GUCY1A2: variants seen among roughly 807,000 people sequenced by gnomAD.
The protein encoded by GUCY1A2 is guanylate cyclase 1 soluble subunit alpha 2, also known as guanylate cyclase soluble subunit alpha-2.
A neutral mutation model predicts 63.5 loss-of-function variants in GUCY1A2; 27 were observed. The observed-to-expected ratio is 0.43, with a 90% CI of 0.31 to 0.59. The LOEUF (loss-of-function observed/expected upper bound fraction) is 0.59, where lower values mean the gene tolerates loss of function less well. GUCY1A2 is among the 20% of genes least tolerant of loss of function. The pLI, the probability that GUCY1A2 is intolerant of heterozygous loss-of-function variation, is 0.11. For missense variants in GUCY1A2, 768 were observed against 913.3 expected (o/e 0.84, Z 2.05); for synonymous variants, 364 against 343.5 (o/e 1.06, Z -0.66).
rs945887255 is a variant in GUCY1A2 at position 106,714,193 on chromosome 11, AG to A, written c.1837-5528del. Among the ~76,000 whole-genome samples, 40 of 152,120 alleles carry A rather than the reference AG, an allele frequency of 2.6e-4. 1 individual carries two copies. Among genetic ancestry groups the A allele is most frequent in the African/African-American group, 9.2e-4 (38 of 41,512 alleles). ...GAAGACAAAAACTCTGATATCCTTGAGGGGGCAGAGGGTCATAGAGAGGAAC... is the reference window on the plus strand; with the variant it reads ...GAAGACAAAAACTCTGATATCCTTGAGGGGCAGAGGGTCATAGAGAGGAAC... On this transcript the variant is annotated intron_variant, in intron 6 of 7. Transcript: ENST00000526355.
chr11:106,741,613 A>G (rs1283477080), intron 6 of GUCY1A2, among the ~76,000 whole-genome samples: 1 of 152,226 alleles, frequency 6.6e-6, no homozygotes, highest in East Asian at 1.9e-4. Context: ...ATAAAAGATG[A>G]TAAGTTTTGT....
chr11:106,970,084 A>G, intron 3 of GUCY1A2, among the ~76,000 whole-genome samples: 1 of 152,170 alleles, frequency 6.6e-6, no homozygotes, highest in African/African-American at 2.4e-5. Flanking sequence ...TAGTTAAGTG[A>G]GTTTGACTCA....
intron 4 of GUCY1A2, among the ~76,000 whole-genome samples, chr11:106,843,984 A>G (rs1466444966): frequency 1.3e-5 from 2 of 151,864 alleles, no homozygotes; most frequent in Non-Finnish European, 2.9e-5. Flanking sequence ...TTGTCATATC[A>G]TTGGAGGGCA....
At position 106,722,678 on chromosome 11, in the gene GUCY1A2, G is replaced by A. The variant is rs574138339; in HGVS notation, c.1837-14012C>T. ...ATTTATTTACGATTAGCCAGTCATC[G>A]ATCCCATTCAAGCAAACAAAAGAAA... On this transcript the variant is annotated intron_variant, in intron 6 of 7. Transcript: ENST00000526355. Among the ~76,000 whole-genome samples the A allele has an allele frequency of 1.2e-3, 179 of 152,038 alleles. 1 individual carries two copies. Among genetic ancestry groups the A allele is most frequent in the African/African-American group, 4.1e-3 (170 of 41,488 alleles).
intron 6 of GUCY1A2, among the ~76,000 whole-genome samples, chr11:106,752,554 C>A (rs951061638): frequency 6.6e-6 from 1 of 151,970 alleles, no homozygotes; most frequent in Non-Finnish European, 1.5e-5. Context: ...ATGTTCCCCT[C>A]CCTGTGCCCA....
intron 4 of GUCY1A2, among the ~76,000 whole-genome samples, chr11:106,917,955 G>T (rs891122949): frequency 1.4e-5 from 2 of 138,896 alleles, no homozygotes; most frequent in Admixed American, 7.2e-5. Flanking sequence ...AAAAAAAAAA[G>T]AAATTAGCAA....
intron 5 of GUCY1A2, among the ~76,000 whole-genome samples, chr11:106,780,706 C>T (rs1405021062): frequency 2.0e-5 from 3 of 152,142 alleles, no homozygotes; most frequent in East Asian, 1.9e-4. Context: ...TTGTGTACTG[C>T]ATGAATGAAT....
At chr11:106,749,104 A>G (rs1863840643) in intron 6 of GUCY1A2, among the ~76,000 whole-genome samples, 1 of 152,030 alleles carries the variant, frequency 6.6e-6, no homozygotes, top group Non-Finnish European at 1.5e-5. Context: ...AACTGCCTAC[A>G]GTATTCAGTA....
chr11:106,793,521 T>C (rs1565291634), intron 5 of GUCY1A2, among the ~76,000 whole-genome samples: 1 of 151,938 alleles, frequency 6.6e-6, no homozygotes, highest in Non-Finnish European at 1.5e-5. Context: ...ACTAAAAATA[T>C]TCTGCATAGC....
intron 5 of GUCY1A2, among the ~76,000 whole-genome samples, chr11:106,801,297 T>C (rs999710183): frequency 6.6e-6 from 1 of 152,152 alleles, no homozygotes; most frequent in African/African-American, 2.4e-5. Context: ...GGCTCATAGT[T>C]CTTTTCAGCC....
chr11:106,795,208 A>C (rs1008321373), intron 5 of GUCY1A2, among the ~76,000 whole-genome samples: 1 of 152,144 alleles, frequency 6.6e-6, no homozygotes, highest in African/African-American at 2.4e-5. Context: ...CTTTATCTTC[A>C]ATACCCTTTC....
intron 4 of GUCY1A2, among the ~76,000 whole-genome samples, chr11:106,938,349 A>G (rs1413486731): frequency 1.3e-5 from 2 of 152,246 alleles, no homozygotes; most frequent in African/African-American, 2.4e-5. Flanking sequence ...AAACAAGTTA[A>G]GCGCTGCTTT....
chr11:106,778,387 A>C (rs1023143261), intron 5 of GUCY1A2, among the ~76,000 whole-genome samples: 21 of 152,226 alleles, frequency 1.4e-4, no homozygotes, highest in Non-Finnish European at 2.1e-4. Flanking sequence ...ATATGTATCT[A>C]TATAAAGTCA....
chr11:106,826,717 G>C lies in GUCY1A2; in HGVS notation c.1207-16239C>G, dbSNP rs536214840. 1.9e-6 allele frequency: 3 copies of C among 1,609,970 alleles called. No individual in the cohort carries two copies. The South Asian group carries it at 3.3e-5, about 18-fold the overall frequency. ...CATGTCAATAGAGTCTCCTGAACTC[G>C]CTGCAGCCATGCACTTTGCTGCATA... On this transcript the variant is annotated intron_variant, in intron 4 of 7. Coordinates refer to ENST00000526355, the MANE Select transcript of GUCY1A2 (RefSeq NM_000855.3).
chr11:107,008,495 AT>A (rs1861702412), intron 1 of GUCY1A2, among the ~76,000 whole-genome samples: 1 of 152,208 alleles, frequency 6.6e-6, no homozygotes, highest in Non-Finnish European at 1.5e-5. Context: ...TCAATTAAAA[AT>A]CACAAAATCA....
intron 6 of GUCY1A2, among the ~76,000 whole-genome samples, chr11:106,731,695 A>G (rs1863509082): frequency 6.6e-6 from 1 of 152,182 alleles, no homozygotes; most frequent in South Asian, 2.1e-4. Context: ...AAGTTTCAGG[A>G]TACAAAATTA....
rs954080828 is a variant in GUCY1A2 at position 106,677,227 on chromosome 11, A to G, written c.*10322T>C. ...AGGAAGGAAGATAGGAAGATAATTC[A>G]ATGGAAAAAAGAGGAGCTAAGCATG... On this transcript the variant is annotated 3_prime_UTR_variant, in exon 8 of 8. Transcript: ENST00000526355. The G allele has an allele frequency of 4.5e-6, 1 of 220,898 alleles. No individual in the cohort carries two copies. The highest frequency in any genetic ancestry group is 9.1e-6 in the Non-Finnish European group (1 of 109,850). 13.7% of individuals were successfully genotyped at this position (220,898 alleles called of 1,614,324 possible). A position where few individuals can be genotyped will look rare whatever the true frequency, so the allele number is the denominator to read the frequency against.
At chr11:106,889,488 T>C (rs1030181353) in intron 4 of GUCY1A2, among the ~76,000 whole-genome samples, 1 of 152,194 alleles carries the variant, frequency 6.6e-6, no homozygotes, top group Non-Finnish European at 1.5e-5. Context: ...TCTATTTCAA[T>C]TGTCTCACAG....
chr11:107,008,119 AC>A (rs899147038), intron 1 of GUCY1A2, among the ~76,000 whole-genome samples: 14 of 149,346 alleles, frequency 9.4e-5, no homozygotes, highest in African/African-American at 3.4e-4. Context: ...CCCCTAATAA[AC>A]ATACAAAAAT....
Sources: allele counts gnomAD v4.1 joint callset (sites outside exome capture counted in the v4.1 genomes callset), GRCh38; gene constraint gnomAD v4.1.1; transcripts MANE v1.5; gene names NCBI Gene and HGNC (gene_info 2026-07-23, HGNC 2026-07-21).